Variants in POLK observed in about 807,000 individuals in gnomAD.
POLK encodes DNA polymerase kappa, also known as polymerase (DNA directed) kappa.
Under a neutral mutation model 94.0 loss-of-function variants are expected in POLK, and 76 were observed. That is an observed-to-expected ratio of 0.81 (90% CI 0.67 to 0.98). The LOEUF (loss-of-function observed/expected upper bound fraction) is 0.98. Ranked by LOEUF, POLK falls within the 50% of genes least tolerant of loss-of-function variation. POLK has a pLI of 0.00. For missense variants in POLK, 954 were observed against 1,010.1 expected (o/e 0.94, Z 0.75); for synonymous variants, 349 against 325.4 (o/e 1.07, Z -0.78).
At chr5:75,573,838 A>G in exon 5 of POLK, 1 of 1,613,486 alleles carries the variant, frequency 6.2e-7, no homozygotes, top group Non-Finnish European at 8.5e-7. Flanking sequence ...GTGCCCCCCA[A>G]CTTTGACAAA....
chr5:75,552,546 A>G (rs200193676), exon 3 of POLK: 5 of 1,612,800 alleles, frequency 3.1e-6, no homozygotes, highest in Non-Finnish European at 4.2e-6. Context: ...TGATGCAACA[A>G]AAAGCTCAAA....
intron 3 of POLK, among the ~76,000 whole-genome samples, chr5:75,558,775 TAAGC>T (rs1188402304): frequency 2.0e-5 from 3 of 152,200 alleles, no homozygotes; most frequent in Admixed American, 2.0e-4. Context: ...TATTAATCCT[TAAGC>T]AACGTACTTT....
chr5:75,586,473 T>C (rs561069515), intron 9 of POLK, among the ~76,000 whole-genome samples: 2 of 152,300 alleles, frequency 1.3e-5, no homozygotes, highest in African/African-American at 4.8e-5. Flanking sequence ...TTTCAACTTT[T>C]TGGTTTTAAC....
At chr5:75,573,763 G>T in exon 5 of POLK, 1 of 1,613,062 alleles carries the variant, frequency 6.2e-7, no homozygotes, top group Non-Finnish European at 8.5e-7. Context: ...CATGCAAGGA[G>T]ATTTGGTGTT....
chr5:75,598,808 T>A (rs1773211893), exon 15 of POLK: 1 of 152,210 alleles, frequency 6.6e-6, no homozygotes, highest in Admixed American at 6.5e-5. Flanking sequence ...AAGATTAATG[T>A]GTATTAAAAC....
At chr5:75,523,589 A>G (rs761133621) in intron 1 of POLK, among the ~76,000 whole-genome samples, 4 of 152,208 alleles carry the variant, frequency 2.6e-5, no homozygotes, top group Non-Finnish European at 5.9e-5. Flanking sequence ...TTACTGTGGA[A>G]TGAGAACCCA....
At chr5:75,588,099 A>G (rs375961695) in intron 10 of POLK, among the ~76,000 whole-genome samples, 92 of 147,258 alleles carry the variant, frequency 6.2e-4, no homozygotes, top group African/African-American at 2.1e-3. Flanking sequence ...GAGAGAGAGA[A>G]AAAAAAAATC....
exon 4 of POLK, chr5:75,569,487 A>G: frequency 6.2e-7 from 1 of 1,609,446 alleles, no homozygotes; most frequent in South Asian, 1.1e-5. Flanking sequence ...ATCAATGAGT[A>G]TGCTGGTAAG....
chr5:75,542,816 A>G (rs922481996), intron 1 of POLK, among the ~76,000 whole-genome samples: 2 of 149,866 alleles, frequency 1.3e-5, no homozygotes, highest in Non-Finnish European at 3.0e-5. Context: ...AGTTTCAAGC[A>G]ATTCTCCTGC....
intron 3 of POLK, among the ~76,000 whole-genome samples, chr5:75,566,492 G>A (rs987104615): frequency 1.3e-5 from 2 of 152,200 alleles, no homozygotes; most frequent in African/African-American, 2.4e-5. Context: ...GGCCCTGGTT[G>A]TGTAGGCACC....
chr5:75,528,619 T>C (rs775393530), intron 1 of POLK, among the ~76,000 whole-genome samples: 24 of 151,804 alleles, frequency 1.6e-4, no homozygotes, highest in Non-Finnish European at 3.1e-4. Context: ...TGAGACCAGT[T>C]TGGGCAACAT....
intron 6 of POLK, among the ~76,000 whole-genome samples, chr5:75,579,434 A>G (rs1448113375): frequency 2.6e-5 from 4 of 151,576 alleles, no homozygotes; most frequent in East Asian, 3.9e-4. Context: ...CAGTGGCACA[A>G]TCTCAGCTCA....
At chr5:75,548,941 T>C (rs1015609345) in intron 2 of POLK, among the ~76,000 whole-genome samples, 1 of 152,166 alleles carries the variant, frequency 6.6e-6, no homozygotes, top group African/African-American at 2.4e-5. Flanking sequence ...AAAATGTTAC[T>C]GTGATGAAGT....
intron 1 of POLK, among the ~76,000 whole-genome samples, chr5:75,540,576 A>G (rs1769685207): frequency 6.6e-6 from 1 of 152,060 alleles, no homozygotes; most frequent in African/African-American, 2.4e-5. Flanking sequence ...TGTAATCACA[A>G]CCCTGAGCCA....
intron 2 of POLK, among the ~76,000 whole-genome samples, chr5:75,551,769 G>A (rs1049428235): frequency 6.6e-6 from 1 of 152,178 alleles, no homozygotes; most frequent in African/African-American, 2.4e-5. Context: ...TTGCTGATGG[G>A]ATTTAAAATG....
chr5:75,580,829 TTC>T (rs1167007232), intron 6 of POLK, among the ~76,000 whole-genome samples: 2 of 151,056 alleles, frequency 1.3e-5, no homozygotes, highest in Non-Finnish European at 3.0e-5. Flanking sequence ...TTTTCGAAGA[TTC>T]TTTTTCTTCC....
At chr5:75,554,039 G>A (rs530937020) in intron 3 of POLK, among the ~76,000 whole-genome samples, 38 of 152,220 alleles carry the variant, frequency 2.5e-4, no homozygotes, top group African/African-American at 8.7e-4. Context: ...TCCTGGTTAA[G>A]GAAGAAAGGG....
intron 1 of POLK, among the ~76,000 whole-genome samples, chr5:75,539,724 G>T (rs1247270957): frequency 1.3e-5 from 2 of 152,090 alleles, no homozygotes; most frequent in East Asian, 3.9e-4. Context: ...TCCCCAAAGG[G>T]CTGGGATTAT....
At chr5:75,570,253 A>C (rs192405176) in intron 4 of POLK, among the ~76,000 whole-genome samples, 1 of 152,322 alleles carries the variant, frequency 6.6e-6, no homozygotes, top group Non-Finnish European at 1.5e-5. Context: ...CCAAAGTTAC[A>C]AACCTAATAA....
Sources: allele counts gnomAD v4.1 joint callset (sites outside exome capture counted in the v4.1 genomes callset), GRCh38; gene constraint gnomAD v4.1.1; transcripts MANE v1.5; gene names NCBI Gene and HGNC (gene_info 2026-07-23, HGNC 2026-07-21).